Variants in CTNNA2 observed in about 807,000 individuals in gnomAD.
CTNNA2 encodes the protein catenin alpha-2.
Under a neutral mutation model 101.0 loss-of-function variants are expected in CTNNA2, and 42 were observed. The ratio of observed to expected loss-of-function variants is 0.42; its 90% CI spans 0.32 to 0.54. The LOEUF (loss-of-function observed/expected upper bound fraction) is 0.54. Ranked by LOEUF, CTNNA2 falls within the 20% of genes least tolerant of loss-of-function variation. The probability of loss-of-function intolerance (pLI) is 0.14; values close to 1 mark genes in which losing one functional copy is unlikely to be tolerated. For synonymous variants in CTNNA2, 450 were observed against 456.4 expected (o/e 0.99, Z 0.18); for missense variants, 871 against 1,223.1 (o/e 0.71, Z 4.29).
At chr2:80,253,574 G>A (rs1266033936) in intron 7 of CTNNA2, among the ~76,000 whole-genome samples, 6 of 152,068 alleles carry the variant, frequency 3.9e-5, no homozygotes, top group African/African-American at 1.4e-4. Flanking sequence ...CACTGGCTTG[G>A]TTTTAATGTG....
intron 7 of CTNNA2, among the ~76,000 whole-genome samples, chr2:80,024,286 CAATAA>C (rs1694785380): frequency 6.6e-6 from 1 of 152,064 alleles, no homozygotes; most frequent in Non-Finnish European, 1.5e-5. Flanking sequence ...TAAGACTTTT[CAATAA>C]AATGTGACGA....
chr2:80,597,876 G>C (rs574446863), intron 15 of CTNNA2, among the ~76,000 whole-genome samples: 6 of 152,166 alleles, frequency 3.9e-5, no homozygotes, highest in African/African-American at 1.4e-4. Flanking sequence ...TGGTGGGAGT[G>C]TAAATTAGTT....
chr2:80,017,719 G>A (rs1465280878), intron 7 of CTNNA2, among the ~76,000 whole-genome samples: 1 of 152,000 alleles, frequency 6.6e-6, no homozygotes, highest in African/African-American at 2.4e-5. Context: ...CTCTATTTCT[G>A]TTCAATTTCA....
chr2:80,098,910 T>C (rs1700356376), intron 7 of CTNNA2, among the ~76,000 whole-genome samples: 1 of 152,062 alleles, frequency 6.6e-6, no homozygotes, highest in Non-Finnish European at 1.5e-5. Context: ...CTGTCACCCC[T>C]TTCTTTGACT....
At chr2:79,563,718 C>A (rs941719572) in intron 1 of CTNNA2, among the ~76,000 whole-genome samples, 1 of 152,098 alleles carries the variant, frequency 6.6e-6, no homozygotes, top group African/African-American at 2.4e-5. Context: ...TTTTGAATTG[C>A]ATACTGTTCT....
intron 18 of CTNNA2, among the ~76,000 whole-genome samples, chr2:80,623,546 T>A (rs1394549211): frequency 6.6e-6 from 1 of 151,878 alleles, no homozygotes; most frequent in Admixed American, 6.6e-5. Flanking sequence ...GTGAGGTTGG[T>A]GTTGGACATC....
chr2:79,762,415 C>A (rs1161935461), intron 3 of CTNNA2, among the ~76,000 whole-genome samples: 1 of 152,090 alleles, frequency 6.6e-6, no homozygotes, highest in African/African-American at 2.4e-5. Context: ...CCTCCTGGTT[C>A]TTTCATTTCA....
intron 1 of CTNNA2, among the ~76,000 whole-genome samples, chr2:79,554,776 A>T (rs764395518): frequency 5.3e-5 from 8 of 152,214 alleles, no homozygotes; most frequent in Non-Finnish European, 7.3e-5. Flanking sequence ...GGTTATTGTC[A>T]TTATTTCATA....
chr2:80,243,655 C>T (rs541851819), intron 7 of CTNNA2, among the ~76,000 whole-genome samples: 1 of 152,244 alleles, frequency 6.6e-6, no homozygotes, highest in Admixed American at 6.5e-5. Flanking sequence ...GTTTGTTTAT[C>T]CATTCACCTG....
intron 7 of CTNNA2, among the ~76,000 whole-genome samples, chr2:80,082,246 T>C (rs1055996998): frequency 6.6e-6 from 1 of 152,142 alleles, no homozygotes; most frequent in African/African-American, 2.4e-5. Flanking sequence ...TTTGGTGGTT[T>C]CGTTTATTTT....
intron 4 of CTNNA2, among the ~76,000 whole-genome samples, chr2:79,460,969 G>T (rs1340024656): frequency 6.6e-6 from 1 of 152,114 alleles, no homozygotes; most frequent in Non-Finnish European, 1.5e-5. Flanking sequence ...AGCCTCCCAA[G>T]TAGCTGGGAT....
At chr2:79,316,734 G>C (rs1676506408) in intron 3 of CTNNA2, among the ~76,000 whole-genome samples, 1 of 151,442 alleles carries the variant, frequency 6.6e-6, no homozygotes, top group South Asian at 2.1e-4. Context: ...CTAGTATAAA[G>C]AAATACAACT....
chr2:79,233,670 T>C (rs776831973), intron 2 of CTNNA2, among the ~76,000 whole-genome samples: 3 of 152,146 alleles, frequency 2.0e-5, no homozygotes, highest in Non-Finnish European at 2.9e-5. Flanking sequence ...CCCACTATTA[T>C]TGTGTGGCTA....
chr2:79,575,424 C>T (rs1178465023), intron 1 of CTNNA2: 2 of 152,170 alleles, frequency 1.3e-5, no homozygotes, highest in Non-Finnish European at 2.9e-5. Context: ...TGAATGCCCT[C>T]CTCAAGGAAT....
chr2:79,330,433 A>G (rs570554843), intron 3 of CTNNA2, among the ~76,000 whole-genome samples: 1 of 152,270 alleles, frequency 6.6e-6, no homozygotes, highest in Non-Finnish European at 1.5e-5. Context: ...CACGGGACTC[A>G]ACACCACCTC....
intron 3 of CTNNA2, among the ~76,000 whole-genome samples, chr2:79,347,665 C>T (rs187930385): frequency 7.1e-4 from 108 of 152,004 alleles, no homozygotes; most frequent in Non-Finnish European, 1.2e-3. Context: ...ACTGACTGGC[C>T]TCAGGTCGCA....
chr2:80,527,528 T>G (rs1690148919), intron 9 of CTNNA2, among the ~76,000 whole-genome samples: 1 of 152,184 alleles, frequency 6.6e-6, no homozygotes, highest in Non-Finnish European at 1.5e-5. Flanking sequence ...CTGCTTTATC[T>G]TAAGTGGCAG....
intron 7 of CTNNA2, among the ~76,000 whole-genome samples, chr2:80,103,601 C>T (rs1040442530): frequency 1.3e-5 from 2 of 152,226 alleles, no homozygotes; most frequent in African/African-American, 2.4e-5. Context: ...ACCAGATGAG[C>T]AGTCCTTGGC....
At chr2:80,167,102 G>GAA (rs541925660) in intron 7 of CTNNA2, among the ~76,000 whole-genome samples, 2 of 150,864 alleles carry the variant, frequency 1.3e-5, no homozygotes, top group African/African-American at 4.9e-5. Context: ...GGAGGAATAG[G>GAA]AAAAAAAAGT....
Sources: gnomAD v4.1 joint callset for allele counts (sites outside exome capture counted in the v4.1 genomes callset) on GRCh38, gnomAD v4.1.1 for gene constraint, MANE v1.5 for transcripts, NCBI Gene and HGNC (gene_info 2026-07-23, HGNC 2026-07-21) for gene names.